Variants in DNAJC1 observed in about 807,000 individuals in gnomAD.
DNAJC1 encodes DnaJ heat shock protein family (Hsp40) member C1, also known as dnaJ homolog subfamily C member 1.
A neutral mutation model predicts 76.6 loss-of-function variants in DNAJC1; 58 were observed. The ratio of observed to expected loss-of-function variants is 0.76; its 90% confidence interval spans 0.61 to 0.94. The LOEUF (loss-of-function observed/expected upper bound fraction) is 0.94, where lower values mean the gene tolerates loss of function less well. Ranked by LOEUF, DNAJC1 falls within the 40% of genes least tolerant of loss-of-function variation. The pLI is 0.00. For missense variants in DNAJC1, 689 were observed against 677.3 expected (o/e 1.02, Z -0.19); for synonymous variants, 258 against 267.9 (o/e 0.96, Z 0.36).
intron 8 of DNAJC1, among the ~76,000 whole-genome samples, chr10:21,849,397 T>G (rs186080059): frequency 6.9e-6 from 1 of 145,724 alleles, no homozygotes; most frequent in African/African-American, 2.6e-5. Flanking sequence ...AAAAAGGAGA[T>G]CAGAGACCAA....
At chr10:21,879,215 T>A (rs1475417983) in intron 8 of DNAJC1, among the ~76,000 whole-genome samples, 1 of 152,204 alleles carries the variant, frequency 6.6e-6, no homozygotes, top group Non-Finnish European at 1.5e-5. Context: ...CTGAGCTGCA[T>A]ATCTATACAT....
At chr10:21,814,321 T>G (rs1011241063) in intron 8 of DNAJC1, among the ~76,000 whole-genome samples, 2 of 152,218 alleles carry the variant, frequency 1.3e-5, no homozygotes, top group Non-Finnish European at 2.9e-5. Context: ...GGGGACTTCC[T>G]TGCCATCCTG....
At chr10:21,847,550 T>C (rs1268693069) in intron 8 of DNAJC1, among the ~76,000 whole-genome samples, 2 of 152,152 alleles carry the variant, frequency 1.3e-5, no homozygotes, top group Non-Finnish European at 2.9e-5. Context: ...TTTCTAACTG[T>C]ATTTTTGCAA....
At chr10:21,816,795 T>C (rs1239952274) in intron 8 of DNAJC1, among the ~76,000 whole-genome samples, 2 of 141,510 alleles carry the variant, frequency 1.4e-5, no homozygotes, top group Non-Finnish European at 3.1e-5. Context: ...TCCACCCGCC[T>C]TGGCCTCCCA....
chr10:21,972,073 T>C (rs986746804), intron 1 of DNAJC1, among the ~76,000 whole-genome samples: 8 of 151,944 alleles, frequency 5.3e-5, no homozygotes, highest in Non-Finnish European at 1.0e-4. Context: ...GACCTAGTCT[T>C]TGTTTTGCTT....
chr10:21,946,049 CTTTTTTTTTTTTT>C (rs71510915), intron 1 of DNAJC1, among the ~76,000 whole-genome samples: 3 of 93,324 alleles, frequency 3.2e-5, no homozygotes, highest in East Asian at 6.4e-4. Flanking sequence ...TTCTTTTCCT[CTTTTTTTTTTTTT>C]TTTTTTTTTG....
rs79661138 is a variant in DNAJC1, at chr10:21,758,336, A to G, written c.1596+834T>C. 5.9e-3 allele frequency among the ~76,000 whole-genome samples: 892 copies of G among 152,340 alleles called. 6 individuals carry two copies. The highest frequency in any genetic ancestry group is 0.02 in the African/African-American group (817 of 41,586). On this transcript the variant is annotated intron_variant, in intron 11 of 11. Coordinates refer to ENST00000376980, the MANE Select transcript of DNAJC1 (RefSeq NM_022365.4). ...GTTCCTCGACTAACAATCTAGCTAC[A>G]GGGAAAGAAGCCTCAAGAGACACTG...
chr10:21,912,479 C>T (rs1206498444), intron 6 of DNAJC1, among the ~76,000 whole-genome samples: 2 of 152,144 alleles, frequency 1.3e-5, no homozygotes, highest in African/African-American at 4.8e-5. Flanking sequence ...AGTAAGGAAT[C>T]TCTGTCTTAT....
chr10:21,790,058 C>T (rs1416913486), intron 9 of DNAJC1, among the ~76,000 whole-genome samples: 3 of 114,268 alleles, frequency 2.6e-5, no homozygotes, highest in Admixed American at 8.7e-5. Context: ...AAGTAGCAGA[C>T]TTGATCTAAC....
intron 8 of DNAJC1, among the ~76,000 whole-genome samples, chr10:21,815,671 AT>A (rs1835062972): frequency 6.6e-6 from 1 of 151,526 alleles, no homozygotes; most frequent in Non-Finnish European, 1.5e-5. Flanking sequence ...CTATTTCTCT[AT>A]TTTTTTATGG....
At chr10:21,922,323 T>C (rs545153443) in intron 3 of DNAJC1, among the ~76,000 whole-genome samples, 1 of 152,150 alleles carries the variant, frequency 6.6e-6, no homozygotes, top group African/African-American at 2.4e-5. Flanking sequence ...CAGATATAAA[T>C]GTAAAATATA....
At chr10:21,765,237 C>T (rs973779972) in intron 10 of DNAJC1, among the ~76,000 whole-genome samples, 3 of 151,992 alleles carry the variant, frequency 2.0e-5, no homozygotes, top group Admixed American at 6.6e-5. Flanking sequence ...TTTTTTTTTA[C>T]GTTTATTTTT....
chr10:21,828,136 A>G (rs2131665384), intron 8 of DNAJC1, among the ~76,000 whole-genome samples: 1 of 152,348 alleles, frequency 6.6e-6, no homozygotes, highest in African/African-American at 2.4e-5. Flanking sequence ...CTTTGTTATT[A>G]CTGCAAAACA....
intron 8 of DNAJC1, chr10:21,865,297 T>C (rs565964743): frequency 6.6e-6 from 1 of 152,188 alleles, no homozygotes; most frequent in East Asian, 1.9e-4. Context: ...TTATTAATGA[T>C]GGTCAAAAAA....
intron 8 of DNAJC1, among the ~76,000 whole-genome samples, chr10:21,867,095 T>C (rs1223133738): frequency 2.0e-5 from 3 of 152,054 alleles, no homozygotes; most frequent in Non-Finnish European, 4.4e-5. Flanking sequence ...ATTCTTCATC[T>C]TTAGAGGAGA....
intron 8 of DNAJC1, among the ~76,000 whole-genome samples, chr10:21,857,671 G>A (rs1835859028): frequency 6.6e-6 from 1 of 152,030 alleles, no homozygotes; most frequent in Non-Finnish European, 1.5e-5. Flanking sequence ...AGGTATGTTT[G>A]TTGGTGAAAC....
chr10:21,962,459 C>CTTTTTTTTTTTTT (rs34817098), intron 1 of DNAJC1, among the ~76,000 whole-genome samples: 1 of 39,890 alleles, frequency 2.5e-5, no homozygotes, highest in Non-Finnish European at 4.0e-5. Flanking sequence ...TATTTTATTG[C>CTTTTTTTTTTTTT]TTTTTTTTTT....
chr10:21,842,343 G>A (rs973096317), intron 8 of DNAJC1, among the ~76,000 whole-genome samples: 21 of 152,134 alleles, frequency 1.4e-4, no homozygotes, highest in African/African-American at 3.9e-4. Flanking sequence ...GAGATAATAA[G>A]AGATTGGACT....
intron 10 of DNAJC1, among the ~76,000 whole-genome samples, chr10:21,763,466 C>A (rs1834262962): frequency 6.6e-6 from 1 of 151,872 alleles, no homozygotes; most frequent in African/African-American, 2.4e-5. Flanking sequence ...CACTCCAATT[C>A]ATTATTCCCT....
Sources: gnomAD v4.1 joint callset for allele counts (sites outside exome capture counted in the v4.1 genomes callset) on GRCh38, gnomAD v4.1.1 for gene constraint, MANE v1.5 for transcripts, NCBI Gene and HGNC (gene_info 2026-07-23, HGNC 2026-07-21) for gene names.